The following ABCC9 variants were observed in gnomAD, a reference collection of about 807,000 sequenced individuals.
The protein encoded by ABCC9 is ATP binding cassette subfamily C member 9.
Under a neutral mutation model 188.3 loss-of-function variants are expected in ABCC9, and 95 were observed. That is an observed-to-expected ratio of 0.50 (90% confidence interval 0.43 to 0.60). The LOEUF (loss-of-function observed/expected upper bound fraction) is 0.60. ABCC9 is among the 20% of genes least tolerant of loss of function. ABCC9 has a pLI of 0.00. For missense variants in ABCC9, 1,102 were observed against 1,876.3 expected, an observed-to-expected ratio of 0.59 and a Z score of 7.62; for synonymous variants, 659 against 652.7, an observed-to-expected ratio of 1.01 and a Z score of -0.15.
At chr12:21,809,139 A>G (rs1204322493) in intron 37 of ABCC9, among the ~76,000 whole-genome samples, 1 of 152,054 alleles carries the variant, frequency 6.6e-6, no homozygotes, top group Non-Finnish European at 1.5e-5. Context: ...TTAAGATGTT[A>G]AGGAAGCAAA....
chr12:21,928,084 G>A (rs1949111758), intron 4 of ABCC9, among the ~76,000 whole-genome samples: 1 of 151,896 alleles, frequency 6.6e-6, no homozygotes, highest in Non-Finnish European at 1.5e-5. Context: ...GCCATGTGTG[G>A]TGCCACATGC....
chr12:21,876,158 G>T (rs894870960), intron 16 of ABCC9, among the ~76,000 whole-genome samples: 10 of 152,094 alleles, frequency 6.6e-5, no homozygotes, highest in African/African-American at 2.4e-4. Context: ...GCTATTTAGT[G>T]GTATAAATGA....
At chr12:21,930,646 C>T (rs1592262977) in intron 4 of ABCC9, among the ~76,000 whole-genome samples, 2 of 152,274 alleles carry the variant, frequency 1.3e-5, no homozygotes, top group East Asian at 3.9e-4. Flanking sequence ...ACAATATGTG[C>T]AAACGTGCAC....
intron 4 of ABCC9, among the ~76,000 whole-genome samples, chr12:21,929,343 T>C (rs1473483165): frequency 1.3e-5 from 2 of 151,654 alleles, no homozygotes; most frequent in East Asian, 3.9e-4. Flanking sequence ...AAGAGCAAAC[T>C]AAAAAGGATT....
chr12:21,930,426 A>T (rs903569716), intron 4 of ABCC9, among the ~76,000 whole-genome samples: 18 of 152,208 alleles, frequency 1.2e-4, no homozygotes, highest in African/African-American at 4.3e-4. Flanking sequence ...GAGGTTTTCA[A>T]AAAAGCAGAC....
At chr12:21,808,778 C>CAAAAAAAA (rs34314026) in intron 37 of ABCC9, among the ~76,000 whole-genome samples, 2 of 80,496 alleles carry the variant, frequency 2.5e-5, no homozygotes, top group Non-Finnish European at 4.9e-5. Flanking sequence ...GAACTTGTCT[C>CAAAAAAAA]AAAAAAAAAA....
intron 24 of ABCC9, 90 bp downstream of exon 24, chr12:21,852,007 G>C (rs1944993397): frequency 6.9e-7 from 1 of 1,447,248 alleles, no homozygotes; most frequent in Non-Finnish European, 9.6e-7. Context: ...AGTATTAAAT[G>C]GTAATTTTTT....
chr12:21,908,293 A>G, intron 10 of ABCC9, 82 bp from the exon 11 acceptor site: 1 of 1,482,312 alleles, frequency 6.7e-7, no homozygotes, highest in Non-Finnish European at 9.4e-7. Context: ...TTTAGTGCAA[A>G]TGTAGTATTT....
Position 21,912,968 on chromosome 12 carries a change from A to G in ABCC9, c.915T>C (p.Tyr305=). The G allele has an allele frequency of 1.2e-6, 2 of 1,613,684 alleles. No individual in the cohort carries two copies. The highest frequency in any genetic ancestry group is 8.5e-7 in the Non-Finnish European group (1 of 1,179,742). Residue 305 remains tyrosine, a synonymous_variant, in exon 8 of 40, where the codon TAT becomes TAC. Transcript: ENST00000261200. ...RPILLSSTFR[Y]LADLLGFAGP... Reference sequence around the variant, plus strand: ...CAGCAAAACCCAGTAAATCAGCCAGATAGCGGAATGTGCTACTAAGTAGAA... The same window carrying G: ...CAGCAAAACCCAGTAAATCAGCCAGGTAGCGGAATGTGCTACTAAGTAGAA...
chr12:21,813,101 C>T (rs1296779345), intron 35 of ABCC9, among the ~76,000 whole-genome samples: 1 of 151,998 alleles, frequency 6.6e-6, no homozygotes, highest in Non-Finnish European at 1.5e-5. Flanking sequence ...ATTGTCTGTT[C>T]CCCAACTAGA....
chr12:21,838,360 A>G (rs1592034055), intron 29 of ABCC9, among the ~76,000 whole-genome samples, 190 bp from the exon 30 acceptor site: 2 of 152,226 alleles, frequency 1.3e-5, no homozygotes, highest in East Asian at 3.8e-4. Flanking sequence ...TGGGTATATA[A>G]TGAATACAGG....
chr12:21,901,187 T>A (rs1480024721), intron 12 of ABCC9, among the ~76,000 whole-genome samples: 1 of 152,148 alleles, frequency 6.6e-6, no homozygotes, highest in East Asian at 1.9e-4. Flanking sequence ...ACCCAGAATT[T>A]CATATCCAGC....
At chr12:21,827,740 A>C (rs1943471030) in intron 31 of ABCC9, among the ~76,000 whole-genome samples, 1 of 152,200 alleles carries the variant, frequency 6.6e-6, no homozygotes. Flanking sequence ...TCCAACTGTC[A>C]CAGCTACCTG....
chr12:21,857,083 A>T (rs1262900542), intron 22 of ABCC9, among the ~76,000 whole-genome samples: 1 of 152,222 alleles, frequency 6.6e-6, no homozygotes, highest in Non-Finnish European at 1.5e-5. Context: ...TTTAAAACAC[A>T]TCAACAGCAT....
rs560791857 is a variant in ABCC9 at position 21,873,440 on chromosome 12, T to C, written c.2093-710A>G. On this transcript the variant is annotated intron_variant, in intron 17 of 39. Coordinates refer to ENST00000261200, the MANE Select transcript of ABCC9 (RefSeq NM_020297.4). ...ACACAAACAAAAAAAATGAAAAGAC[T>C]TCTGGGCTTAGGGTCTGGAAGAATT... Among the ~76,000 whole-genome samples the C allele has an allele frequency of 1.9e-3, 283 of 152,272 alleles. 4 individuals are homozygous for C. The South Asian group carries it at 0.04, about 21-fold the overall frequency.
intron 22 of ABCC9, 128 bp downstream of exon 22, chr12:21,859,458 C>T (rs1403828402): frequency 6.7e-6 from 6 of 897,720 alleles, no homozygotes; most frequent in Non-Finnish European, 1.1e-5. Flanking sequence ...ATTTATTTCC[C>T]CTATATACTT....
At chr12:21,820,838 G>T (rs1367509756) in intron 31 of ABCC9, among the ~76,000 whole-genome samples, 1 of 151,790 alleles carries the variant, frequency 6.6e-6, no homozygotes. Context: ...CTTTCCCATT[G>T]TCCTGTTTTA....
In ABCC9 at chr12:21,894,010, T is replaced by C. The variant is rs926070555; in HGVS notation, c.1802+22A>G. On this transcript the variant is annotated intron_variant, in intron 14 of 39. Coordinates refer to ENST00000261200, the MANE Select transcript of ABCC9 (RefSeq NM_020297.4). ...ATTTCTATTATCAATAAGCAAAAAA[T>C]GCCAGACACTTCAGTGCATACCTTA... The C allele has an allele frequency of 4.3e-6, 7 of 1,613,434 alleles. No individual in the cohort carries two copies. In the African/African-American group the frequency reaches 9.3e-5, roughly 22 times the overall value.
At chr12:21,935,419 G>A (rs559820672) in intron 3 of ABCC9, among the ~76,000 whole-genome samples, 1 of 152,198 alleles carries the variant, frequency 6.6e-6, no homozygotes, top group South Asian at 2.1e-4. Context: ...CATATGATGA[G>A]TTCTTTAATC....
Sources: allele counts gnomAD v4.1 joint callset (sites outside exome capture counted in the v4.1 genomes callset), GRCh38; gene constraint gnomAD v4.1.1; transcripts MANE v1.5; gene names NCBI Gene and HGNC (gene_info 2026-07-23, HGNC 2026-07-21).